ANK2: variants seen among roughly 807,000 people sequenced by gnomAD.
ANK2 encodes ankyrin-2.
A neutral mutation model predicts 360.5 loss-of-function variants in ANK2; 83 were observed. The ratio of observed to expected loss-of-function variants is 0.23; its 90% confidence interval spans 0.19 to 0.28. ANK2 has a LOEUF of 0.28. Ranked by LOEUF, ANK2 falls within the 10% of genes least tolerant of loss-of-function variation. ANK2 has a pLI of 1.00. For missense variants in ANK2, 4,201 were observed against 4,795.7 expected, an observed-to-expected ratio of 0.88 and a Z score of 3.66; for synonymous variants, 1,740 against 1,759.5, an observed-to-expected ratio of 0.99 and a Z score of 0.28.
At chr4:112,732,820 G>A in the ANK2 span, among the ~76,000 whole-genome samples, 3 of 152,126 alleles carry the variant, frequency 2.0e-5, no homozygotes, top group East Asian at 3.9e-4. Context: ...GGTGGCTCAC[G>A]CCTATAATCT....
intron 20 of ANK2, among the ~76,000 whole-genome samples, chr4:113,291,392 C>A (rs988871926): frequency 7.9e-5 from 12 of 152,106 alleles, no homozygotes; most frequent in Non-Finnish European, 1.5e-4. Context: ...TGGGGTCATC[C>A]CATTGTAGGG....
chr4:112,723,130 C>T, the ANK2 span, among the ~76,000 whole-genome samples: 31 of 152,300 alleles, frequency 2.0e-4, no homozygotes, highest in African/African-American at 7.2e-4. Context: ...ACCTACACAG[C>T]TGGAACTAGA....
chr4:112,958,330 A>G lies in ANK2; in HGVS notation c.21+53816A>G, dbSNP rs374144017. 5.5e-4 allele frequency among the ~76,000 whole-genome samples: 84 copies of G among 152,226 alleles called. 2 individuals carry two copies. The East Asian group carries it at 0.014, about 25-fold the overall frequency. On this transcript the variant is annotated intron_variant, in intron 2 of 30. Coordinates refer to the ANK2 transcript ENST00000503271. ...TTGAGCACTGAGTGAACCAGACTCC[A>G]TCTGCAATCCCGGCACCTCGGGAGG...
At chr4:112,870,079 A>G (rs1030807284) in intron 1 of ANK2, among the ~76,000 whole-genome samples, 4 of 151,564 alleles carry the variant, frequency 2.6e-5, no homozygotes, top group African/African-American at 4.9e-5. Flanking sequence ...GTTCACTGCA[A>G]CCTCCACCTC....
chr4:112,771,981 T>G, the ANK2 span, among the ~76,000 whole-genome samples: 164 of 152,112 alleles, frequency 1.1e-3, no homozygotes, highest in African/African-American at 3.6e-3. Context: ...GGGTACAGAG[T>G]GGGCATCTTT....
the ANK2 span, among the ~76,000 whole-genome samples, chr4:112,759,194 G>C: frequency 1.3e-5 from 2 of 151,950 alleles, no homozygotes; most frequent in East Asian, 3.9e-4. Flanking sequence ...AGAGTGCAGG[G>C]GCGTGATCAT....
At chr4:112,810,139 ATATATATATATATATATATATTTTT>A in the ANK2 span, among the ~76,000 whole-genome samples, 4 of 34,660 alleles carry the variant, frequency 1.2e-4, no homozygotes, top group Admixed American at 6.7e-4. Flanking sequence ...ATATATATAT[ATATATATATATATATATATATTTTT>A]TTTTTTTTTT....
the ANK2 span, among the ~76,000 whole-genome samples, chr4:112,777,282 A>G: frequency 1.3e-5 from 2 of 152,128 alleles, no homozygotes; most frequent in Non-Finnish European, 2.9e-5. Flanking sequence ...TCTGTCGCTC[A>G]GGCTGGAGTG....
intron 4 of ANK2, among the ~76,000 whole-genome samples, chr4:113,208,375 A>G (rs1227137728): frequency 6.6e-6 from 1 of 152,010 alleles, no homozygotes; most frequent in African/African-American, 2.4e-5. Context: ...AGAGCACTTG[A>G]TGATGATGGC....
At chr4:112,955,693 T>G (rs72894406) in intron 2 of ANK2, among the ~76,000 whole-genome samples, 1 of 152,078 alleles carries the variant, frequency 6.6e-6, no homozygotes, top group African/African-American at 2.4e-5. Context: ...TGCTATATGT[T>G]GTAATATGCC....
chr4:113,292,534 C>G lies in ANK2; in HGVS notation c.2376+20C>G, dbSNP rs767816261. ...ACTGCGGTAAGGCAGACGCCACTGC[C>G]CCTCACCACGCTTTCTTCTTTTTCC... On this transcript the variant is annotated intron_variant, in intron 21 of 45. Transcript: ENST00000357077. 6.3e-7 allele frequency: 1 copy of G among 1,577,148 alleles called. No individual in the cohort carries two copies. Among genetic ancestry groups the G allele is most frequent in the East Asian group, 2.3e-5 (1 of 43,328 alleles).
intron 1 of ANK2, among the ~76,000 whole-genome samples, chr4:113,163,098 A>G (rs1441533053): frequency 1.3e-5 from 2 of 152,184 alleles, no homozygotes; most frequent in Admixed American, 6.5e-5. Flanking sequence ...CTTCTTATAC[A>G]GTACACATAT....
intron 7 of ANK2, 114 bp downstream of exon 7, chr4:113,237,736 A>G (rs1303590989): frequency 9.8e-7 from 1 of 1,016,718 alleles, no homozygotes; most frequent in East Asian, 2.4e-5. Context: ...TTAATGGGAA[A>G]TTAATTTGAA....
the ANK2 span, among the ~76,000 whole-genome samples, chr4:112,749,018 G>A: frequency 9.2e-5 from 14 of 152,202 alleles, no homozygotes; most frequent in Non-Finnish European, 2.1e-4. Context: ...TCGGGCCTCG[G>A]CCTCCTGAGT....
At chr4:112,811,556 C>A in the ANK2 span, among the ~76,000 whole-genome samples, 2 of 151,936 alleles carry the variant, frequency 1.3e-5, no homozygotes, top group African/African-American at 4.8e-5. Flanking sequence ...TTACGATTTC[C>A]CCCCCTTGAG....
At chr4:112,713,775 C>T in the ANK2 span, among the ~76,000 whole-genome samples, 1 of 143,440 alleles carries the variant, frequency 7.0e-6, no homozygotes, top group Admixed American at 7.0e-5. Context: ...ACTAAAAATG[C>T]AAAAAAAAAT....
chr4:112,976,849 GT>G (rs1167538369), intron 2 of ANK2, among the ~76,000 whole-genome samples: 1 of 152,140 alleles, frequency 6.6e-6, no homozygotes, highest in Non-Finnish European at 1.5e-5. Flanking sequence ...ATGCAGAGAT[GT>G]ATTTAAGTAC....
intron 26 of ANK2, among the ~76,000 whole-genome samples, chr4:113,319,018 G>A (rs1488860006): frequency 6.6e-6 from 1 of 152,112 alleles, no homozygotes; most frequent in African/African-American, 2.4e-5. Context: ...TGAAATAAAT[G>A]CCTTTCTCAG....
chr4:112,975,336 T>C (rs983863912), intron 2 of ANK2, among the ~76,000 whole-genome samples: 2 of 152,208 alleles, frequency 1.3e-5, no homozygotes, highest in Non-Finnish European at 2.9e-5. Flanking sequence ...AATTTGAAGA[T>C]GCCAAATGTT....
Sources: gnomAD v4.1 joint callset for allele counts (sites outside exome capture counted in the v4.1 genomes callset) on GRCh38, gnomAD v4.1.1 for gene constraint, MANE v1.5 for transcripts, NCBI Gene and HGNC (gene_info 2026-07-23, HGNC 2026-07-21) for gene names.